The following APPBP2 variants were observed in gnomAD, a reference collection of about 807,000 sequenced individuals.
APPBP2 encodes the protein amyloid protein-binding protein 2.
In APPBP2, 15 loss-of-function variants were observed where a neutral mutation model predicts 76.0. The ratio of observed to expected loss-of-function variants is 0.20; its 90% confidence interval spans 0.13 to 0.30. The LOEUF (loss-of-function observed/expected upper bound fraction) is 0.30, where lower values mean the gene tolerates loss of function less well. APPBP2 is among the 10% of genes least tolerant of loss of function. The pLI, the probability that APPBP2 is intolerant of heterozygous loss-of-function variation, is 1.00. For synonymous variants in APPBP2, 222 were observed against 242.2 expected (o/e 0.92, Z 0.77); for missense variants, 401 against 687.2 (o/e 0.58, Z 4.66).
intron 4 of APPBP2, among the ~76,000 whole-genome samples, chr17:60,468,875 T>C (rs941361091): frequency 1.3e-5 from 2 of 152,342 alleles, no homozygotes; most frequent in African/African-American, 2.4e-5. Flanking sequence ...TACTATTTGA[T>C]TGAACTATTC....
chr17:60,520,183 C>T (rs1567944391), intron 1 of APPBP2, among the ~76,000 whole-genome samples: 1 of 152,008 alleles, frequency 6.6e-6, no homozygotes, highest in South Asian at 2.1e-4. Context: ...AAATTAACTC[C>T]GATCCTAAAT....
chr17:60,484,601 T>TTA (rs1458758893), intron 3 of APPBP2, among the ~76,000 whole-genome samples: 10 of 152,204 alleles, frequency 6.6e-5, no homozygotes, highest in Non-Finnish European at 1.5e-4. Context: ...AGGAAGTTGC[T>TTA]TATCAGCTTA....
At chr17:60,452,260 T>C (rs1284077720) in intron 11 of APPBP2, among the ~76,000 whole-genome samples, 1 of 152,222 alleles carries the variant, frequency 6.6e-6, no homozygotes, top group Non-Finnish European at 1.5e-5. Flanking sequence ...AATAGTATCC[T>C]ATGTCAAAAG....
At chr17:60,509,075 A>C (rs1347892581) in intron 1 of APPBP2, among the ~76,000 whole-genome samples, 1 of 152,176 alleles carries the variant, frequency 6.6e-6, no homozygotes, top group Non-Finnish European at 1.5e-5. Flanking sequence ...CCAAACAAGC[A>C]AACTATAAAA....
In APPBP2 at chr17:60,525,886, T is replaced by G; in HGVS notation, c.46A>C (p.Thr16Pro). ...LEWIPETLYN[T>P]AISAVVDNYI... ...TTGTCCACGACAGCGGAGATGGCGG[T>G]GTTATAGAGAGTCTCTGGGATCCAC... is the stretch of plus-strand genomic sequence containing the variant. Residue 16 changes from threonine to proline, a missense_variant, in exon 1 of 13, where the codon ACC becomes CCC. Coordinates refer to ENST00000083182, the MANE Select transcript of APPBP2 (RefSeq NM_006380.5). The G allele has an allele frequency of 6.2e-7, 1 of 1,613,702 alleles. No homozygotes were observed. The highest frequency in any genetic ancestry group is 1.1e-5 in the South Asian group (1 of 91,032).
At position 60,494,616 on chromosome 17, in the gene APPBP2, G is replaced by A; in HGVS notation, c.229C>T (p.His77Tyr). ...AKVLRALDKR[H>Y]LLHHCFQALM... is the part of the protein sequence containing the mutation. ...GCCTGAAAACAATGATGAAGCAAAT[G>A]TCTGTAAGAAAAGAAAAAGATTATT... is the stretch of plus-strand genomic sequence containing the variant. Residue 77 changes from histidine to tyrosine, a missense_variant and splice_region_variant, in exon 3 of 13, where the codon CAT becomes TAT. By Grantham distance (83) the His-to-Tyr change is moderately conservative. Transcript: ENST00000083182. 1 of 1,574,840 alleles carries A rather than the reference G, an allele frequency of 6.3e-7. No homozygotes were observed.
intron 1 of APPBP2, among the ~76,000 whole-genome samples, chr17:60,517,736 T>C (rs1435941037): frequency 2.6e-5 from 4 of 152,324 alleles, no homozygotes; most frequent in Admixed American, 1.3e-4. Context: ...ATTGGTCTAT[T>C]TGTCAATCCA....
chr17:60,468,213 A>G (rs989416875), intron 4 of APPBP2, among the ~76,000 whole-genome samples: 2 of 152,172 alleles, frequency 1.3e-5, no homozygotes, highest in Admixed American at 1.3e-4. Flanking sequence ...ATATGGGACA[A>G]TGCAACTCTA....
intron 11 of APPBP2, 119 bp from the exon 12 acceptor site, chr17:60,452,164 G>C: frequency 9.6e-7 from 1 of 1,043,242 alleles, no homozygotes; most frequent in Admixed American, 2.5e-5. Context: ...AAGGTAATCA[G>C]ATCAAAGAAC....
intron 4 of APPBP2, among the ~76,000 whole-genome samples, chr17:60,470,837 C>A (rs923378584): frequency 6.6e-6 from 1 of 151,036 alleles, no homozygotes; most frequent in African/African-American, 2.4e-5. Context: ...GTTGCCCAGG[C>A]TGGAGTGCAG....
In APPBP2 at chr17:60,443,217, A is replaced by G. The variant is rs1328527353; in HGVS notation, c.*4364T>C. ...ATTTTTAGCAATACAAGTACAGAAT[A>G]TATCACAATGCTGGTTACAAACATA... On this transcript the variant is annotated 3_prime_UTR_variant, in exon 13 of 13. Transcript: ENST00000083182. 1 of 152,664 alleles carries G rather than the reference A, an allele frequency of 6.6e-6. No individual in the cohort carries two copies. Among genetic ancestry groups the G allele is most frequent in the Admixed American group, 6.5e-5 (1 of 15,286 alleles). The allele number at this position is 152,664 out of a possible 1,614,324, so 9.5% of individuals were successfully genotyped here.
chr17:60,509,292 T>C (rs763804649), intron 1 of APPBP2, among the ~76,000 whole-genome samples: 11 of 152,048 alleles, frequency 7.2e-5, no homozygotes, highest in African/African-American at 2.4e-4. Context: ...GGCAGGAGAA[T>C]TGCTTGAACC....
chr17:60,517,050 G>C (rs1048003642), intron 1 of APPBP2, among the ~76,000 whole-genome samples: 33 of 152,170 alleles, frequency 2.2e-4, no homozygotes, highest in African/African-American at 7.7e-4. Flanking sequence ...ATCTCAGCTC[G>C]CTGCAGCCTC....
Position 60,482,074 on chromosome 17 carries a change from T to C in APPBP2, c.380-2803A>G, listed in dbSNP as rs561463539. On this transcript the variant is annotated intron_variant, in intron 3 of 12. Transcript: ENST00000083182. Reference sequence around the variant, plus strand: ...ATTTTGTATTTTTAGTAGAGACGGGTTTCTCCATGTTGGTCAGGCTGGTCT... The same window carrying C: ...ATTTTGTATTTTTAGTAGAGACGGGCTTCTCCATGTTGGTCAGGCTGGTCT... Among the ~76,000 whole-genome samples, 66 of 152,216 alleles carry C rather than the reference T, an allele frequency of 4.3e-4. 1 individual carries two copies. Among genetic ancestry groups the C allele is most frequent in the African/African-American group, 1.5e-3 (62 of 41,534 alleles).
At chr17:60,462,907 C>T (rs531928044) in intron 6 of APPBP2, among the ~76,000 whole-genome samples, 2 of 147,638 alleles carry the variant, frequency 1.4e-5, no homozygotes, top group South Asian at 2.1e-4. Flanking sequence ...CCCGAGATCG[C>T]GCCACTGCAC....
chr17:60,503,486 A>C (rs2143461193), intron 1 of APPBP2, among the ~76,000 whole-genome samples: 1 of 145,498 alleles, frequency 6.9e-6, no homozygotes, highest in South Asian at 2.1e-4. Context: ...CTCAGGTTCA[A>C]GTGATTCCCT....
At chr17:60,463,949 C>CTAAAATGTTAAATA (rs1184313750) in intron 6 of APPBP2, 72 bp downstream of exon 6, 13 of 1,061,358 alleles carry the variant, frequency 1.2e-5, no homozygotes, top group Non-Finnish European at 1.4e-5. Context: ...TGTTAAATAA[C>CTAAAATGTTAAATA]AGGTTAATTA....
chr17:60,472,351 C>T (rs551423193), intron 4 of APPBP2, among the ~76,000 whole-genome samples: 10 of 152,190 alleles, frequency 6.6e-5, no homozygotes, highest in South Asian at 4.2e-4. Context: ...TTATAGGTCT[C>T]GTAAGATTTT....
chr17:60,460,135 T>C (rs566754860), intron 9 of APPBP2: 1 of 152,446 alleles, frequency 6.6e-6, no homozygotes, highest in East Asian at 1.9e-4. Context: ...ATATTCTGCA[T>C]GAAAATATAC....
Sources: allele counts gnomAD v4.1 joint callset (sites outside exome capture counted in the v4.1 genomes callset), GRCh38; gene constraint gnomAD v4.1.1; transcripts MANE v1.5; gene names NCBI Gene and HGNC (gene_info 2026-07-23, HGNC 2026-07-21).